Variants in RBM33 observed in about 807,000 individuals in gnomAD.
RBM33 encodes RNA-binding protein 33.
In RBM33, 28 loss-of-function variants were observed where a neutral mutation model predicts 132.6. The ratio of observed to expected loss-of-function variants is 0.21; its 90% CI spans 0.16 to 0.29. The LOEUF (loss-of-function observed/expected upper bound fraction) is 0.29, where lower values mean the gene tolerates loss of function less well. RBM33 is among the 10% of genes least tolerant of loss of function. The pLI, the probability that RBM33 is intolerant of heterozygous loss-of-function variation, is 1.00. For synonymous variants in RBM33, 634 were observed against 593.0 expected (o/e 1.07, Z -1.01); for missense variants, 1,291 against 1,518.5 (o/e 0.85, Z 2.49).
chr7:155,659,498 G>T (rs1208205220), intron 1 of RBM33, among the ~76,000 whole-genome samples: 3 of 152,026 alleles, frequency 2.0e-5, no homozygotes, highest in African/African-American at 7.2e-5. Flanking sequence ...TGAGCAAGCA[G>T]AAGAATCAGC....
At chr7:155,673,972 T>TTTTTTTTTTTTTTTTG (rs1799103656) in intron 3 of RBM33, among the ~76,000 whole-genome samples, 1 of 131,516 alleles carries the variant, frequency 7.6e-6, no homozygotes, top group Non-Finnish European at 1.6e-5. Context: ...TTTTTTTTTT[T>TTTTTTTTTTTTTTTTG]GAGACACAGT....
chr7:155,729,909 G>T (rs536632285), intron 9 of RBM33, among the ~76,000 whole-genome samples: 3 of 152,078 alleles, frequency 2.0e-5, no homozygotes, highest in Admixed American at 1.3e-4. Flanking sequence ...TTCACTGCCC[G>T]AGGTCTAGGT....
At chr7:155,679,046 C>T (rs1799261795) in intron 4 of RBM33, among the ~76,000 whole-genome samples, 1 of 152,104 alleles carries the variant, frequency 6.6e-6, no homozygotes. Flanking sequence ...GTGGCCCGCG[C>T]CTATAGTCCC....
chr7:155,724,677 C>T (rs1194447253), intron 9 of RBM33, among the ~76,000 whole-genome samples: 2 of 152,154 alleles, frequency 1.3e-5, no homozygotes, highest in African/African-American at 4.8e-5. Context: ...CAGGGACTCT[C>T]CTGCCCCTTG....
chr7:155,739,678 T>G (rs1005260656), intron 11 of RBM33, 37 bp from the exon 12 acceptor site: 34 of 1,516,156 alleles, frequency 2.2e-5, no homozygotes, highest in African/African-American at 4.1e-5. Flanking sequence ...GTGTAACCAT[T>G]TATGAACTGT....
At chr7:155,716,921 T>A (rs1344812483) in intron 8 of RBM33, among the ~76,000 whole-genome samples, 1 of 152,210 alleles carries the variant, frequency 6.6e-6, no homozygotes, top group East Asian at 1.9e-4. Flanking sequence ...ACACTTTGCA[T>A]TTGATCAAGC....
At chr7:155,659,230 G>A (rs184489929) in intron 1 of RBM33, among the ~76,000 whole-genome samples, 12 of 152,092 alleles carry the variant, frequency 7.9e-5, no homozygotes, top group Non-Finnish European at 1.6e-4. Flanking sequence ...CTGAAAGTAT[G>A]GCCCATTCAT....
chr7:155,694,949 A>G (rs1799750359), intron 5 of RBM33, among the ~76,000 whole-genome samples: 1 of 152,152 alleles, frequency 6.6e-6, no homozygotes, highest in Non-Finnish European at 1.5e-5. Context: ...GTCTAGAGGT[A>G]TGTTTACTTT....
chr7:155,721,891 CT>C (rs1800638958), intron 9 of RBM33, among the ~76,000 whole-genome samples: 1 of 152,094 alleles, frequency 6.6e-6, no homozygotes, highest in South Asian at 2.1e-4. Flanking sequence ...AAACAAATAA[CT>C]GAATGTCAAA....
rs1802574797 is a variant in RBM33, at chr7:155,775,460, T to G, written c.*419T>G. ...TGATAATGGTTGCACTTATCTTCAG[T>G]GCAGGTTAGAAGAGTCTTCTCAACC... On this transcript the variant is annotated 3_prime_UTR_variant, in exon 18 of 18. Coordinates refer to ENST00000401878, the MANE Select transcript of RBM33 (RefSeq NM_053043.3). The G allele has an allele frequency of 3.4e-6, 1 of 295,114 alleles. No individual in the cohort carries two copies. Among genetic ancestry groups the G allele is most frequent in the African/African-American group, 2.2e-5 (1 of 46,390 alleles). The allele number at this position is 295,114 out of a possible 1,614,324, so 18.3% of individuals were successfully genotyped here.
intron 3 of RBM33, among the ~76,000 whole-genome samples, chr7:155,677,300 C>G (rs377383322): frequency 1.3e-5 from 2 of 151,110 alleles, no homozygotes; most frequent in African/African-American, 4.9e-5. Flanking sequence ...CCTCCACTTT[C>G]CGATTTCAAG....
intron 4 of RBM33, 30 bp downstream of exon 4, chr7:155,678,714 CTTTA>C (rs776943011): frequency 1.0e-5 from 11 of 1,058,508 alleles, no homozygotes; most frequent in African/African-American, 3.2e-5. Context: ...TATAAATGTT[CTTTA>C]TTTAACTAAA....
intron 15 of RBM33, among the ~76,000 whole-genome samples, chr7:155,764,770 C>T (rs760903296): frequency 5.9e-5 from 9 of 152,370 alleles, no homozygotes; most frequent in Non-Finnish European, 1.3e-4. Flanking sequence ...CCCTGCTTTG[C>T]GCTCTGGAGA....
intron 5 of RBM33, among the ~76,000 whole-genome samples, chr7:155,683,014 A>AT (rs1799378146): frequency 6.6e-6 from 1 of 152,172 alleles, no homozygotes; most frequent in African/African-American, 2.4e-5. Context: ...AAGTAAAAAA[A>AT]AAAAACTTAG....
At chr7:155,688,194 C>G (rs532066652) in intron 5 of RBM33, among the ~76,000 whole-genome samples, 5 of 152,208 alleles carry the variant, frequency 3.3e-5, no homozygotes, top group African/African-American at 1.2e-4. Flanking sequence ...TCCTTCACAT[C>G]CCTTGTAAGT....
At position 155,769,494 on chromosome 7, in the gene RBM33, C is replaced by T. The variant is rs185550143; in HGVS notation, c.3375+2839C>T. Among the ~76,000 whole-genome samples the T allele has an allele frequency of 1.9e-4, 29 of 152,228 alleles. No individual in the cohort carries two copies. The East Asian group carries it at 4.6e-3, about 24-fold the overall frequency. ...ATGCAGTGCAGAAGCCTCTCCCTGACGCTGCTGATTTGGGGGTAGGCATGG... is the reference window on the plus strand; with the variant it reads ...ATGCAGTGCAGAAGCCTCTCCCTGATGCTGCTGATTTGGGGGTAGGCATGG... On this transcript the variant is annotated intron_variant, in intron 16 of 17. Transcript: ENST00000401878.
intron 14 of RBM33, among the ~76,000 whole-genome samples, chr7:155,762,278 A>T (rs767377065): frequency 1.3e-5 from 2 of 152,190 alleles, no homozygotes; most frequent in African/African-American, 2.4e-5. Context: ...CCACAGACCC[A>T]TGGGCTTCCC....
At chr7:155,668,339 C>G (rs1373533851) in intron 2 of RBM33, among the ~76,000 whole-genome samples, 1 of 152,082 alleles carries the variant, frequency 6.6e-6, no homozygotes, top group Non-Finnish European at 1.5e-5. Flanking sequence ...TATTTTAGTT[C>G]CATGCAATTT....
chr7:155,770,190 C>T (rs977734952), intron 16 of RBM33, among the ~76,000 whole-genome samples: 1 of 152,222 alleles, frequency 6.6e-6, no homozygotes, highest in Non-Finnish European at 1.5e-5. Flanking sequence ...GAAGACCCAG[C>T]ATGTTATGAT....
Sources: allele counts gnomAD v4.1 joint callset (sites outside exome capture counted in the v4.1 genomes callset), GRCh38; gene constraint gnomAD v4.1.1; transcripts MANE v1.5; gene names NCBI Gene and HGNC (gene_info 2026-07-23, HGNC 2026-07-21).